The following NKAIN3 variants were observed in gnomAD, a reference collection of about 807,000 sequenced individuals.
The protein encoded by NKAIN3 is sodium/potassium transporting ATPase interacting 3.
A neutral mutation model predicts 30.2 loss-of-function variants in NKAIN3; 25 were observed. The observed-to-expected ratio is 0.83, with a 90% CI of 0.60 to 1.16. The LOEUF (loss-of-function observed/expected upper bound fraction) is 1.16, where lower values mean the gene tolerates loss of function less well. Ranked by LOEUF, NKAIN3 falls within the 50% of genes most tolerant of loss-of-function variation. NKAIN3 has a pLI of 0.00. For missense variants in NKAIN3, 225 were observed against 254.1 expected, an observed-to-expected ratio of 0.89 and a Z score of 0.78; for synonymous variants, 91 against 89.6, an observed-to-expected ratio of 1.02 and a Z score of -0.09.
intron 2 of NKAIN3, among the ~76,000 whole-genome samples, chr8:62,587,635 C>T (rs1011062654): frequency 9.2e-5 from 14 of 151,922 alleles, no homozygotes; most frequent in Non-Finnish European, 1.5e-5. Flanking sequence ...GTGTCAAATC[C>T]TAACTCTGAC....
intron 4 of NKAIN3, chr8:62,855,724 C>T (rs746600202): frequency 2.7e-5 from 41 of 1,536,388 alleles, no homozygotes; most frequent in Non-Finnish European, 3.6e-5. Context: ...GAACGATAGC[C>T]TTCATCTTGT....
At chr8:62,496,616 A>G (rs535876751) in intron 1 of NKAIN3, among the ~76,000 whole-genome samples, 2 of 152,200 alleles carry the variant, frequency 1.3e-5, no homozygotes, top group East Asian at 3.9e-4. Context: ...CCATTTATTT[A>G]TTTATTCATG....
chr8:62,962,284 T>C (rs1367329188), intron 6 of NKAIN3, among the ~76,000 whole-genome samples: 1 of 152,208 alleles, frequency 6.6e-6, no homozygotes, highest in Non-Finnish European at 1.5e-5. Context: ...ATCAGTTTTA[T>C]ATTTACCTTG....
intron 1 of NKAIN3, among the ~76,000 whole-genome samples, chr8:62,413,557 A>C (rs1804332182): frequency 6.6e-6 from 1 of 152,210 alleles, no homozygotes; most frequent in African/African-American, 2.4e-5. Context: ...TTGGTTTCCC[A>C]ATTCCATTTT....
chr8:62,689,820 A>G (rs535111235), intron 3 of NKAIN3, among the ~76,000 whole-genome samples: 1 of 152,164 alleles, frequency 6.6e-6, no homozygotes, highest in East Asian at 1.9e-4. Context: ...GAGTTTCCCA[A>G]TAAAGAAATT....
intron 3 of NKAIN3, among the ~76,000 whole-genome samples, chr8:62,649,529 C>T (rs531572958): frequency 1.1e-4 from 17 of 152,044 alleles, no homozygotes; most frequent in Admixed American, 6.6e-4. Flanking sequence ...CATTTGTACC[C>T]GAAAGATGCC....
At chr8:62,279,030 C>G (rs1282084860) in intron 1 of NKAIN3, among the ~76,000 whole-genome samples, 1 of 152,160 alleles carries the variant, frequency 6.6e-6, no homozygotes, top group African/African-American at 2.4e-5. Flanking sequence ...CACATCCTCC[C>G]CATCACCTGT....
In NKAIN3 at chr8:62,584,758, C is replaced by T. The variant is rs375510171; in HGVS notation, c.193-4956C>T. Among the ~76,000 whole-genome samples, 28 of 152,282 alleles carry T rather than the reference C, an allele frequency of 1.8e-4. 1 individual carries two copies. The East Asian group carries it at 5.2e-3, about 28-fold the overall frequency. On this transcript the variant is annotated intron_variant, in intron 2 of 6. Coordinates refer to ENST00000623646, the MANE Select transcript of NKAIN3 (RefSeq NM_001304533.3). ...GTCACCTTTTACAGGCCTTGCCTGA[C>T]CACTGAATGCAAGGGAAAGTATCTC...
At chr8:62,812,580 T>C (rs1276024145) in intron 4 of NKAIN3, among the ~76,000 whole-genome samples, 1 of 151,884 alleles carries the variant, frequency 6.6e-6, no homozygotes, top group Non-Finnish European at 1.5e-5. Context: ...GTAACCTTGC[T>C]TCACTCACTT....
intron 1 of NKAIN3, among the ~76,000 whole-genome samples, chr8:62,350,344 A>G (rs1469272621): frequency 7.9e-5 from 12 of 152,234 alleles, no homozygotes; most frequent in Non-Finnish European, 1.8e-4. Flanking sequence ...AAAACATTAT[A>G]CTAAATGAAA....
chr8:62,946,065 C>T (rs528613007), intron 5 of NKAIN3, among the ~76,000 whole-genome samples: 4 of 152,288 alleles, frequency 2.6e-5, no homozygotes, highest in African/African-American at 7.2e-5. Context: ...TTTCATTGGT[C>T]CCATGTGCTT....
chr8:62,506,476 C>CTT lies in NKAIN3; in HGVS notation c.55-73048_55-73047dup, dbSNP rs71255341. Among the ~76,000 whole-genome samples the CTT allele has an allele frequency of 6.1e-5, 6 of 98,434 alleles. 1 individual carries two copies. Among genetic ancestry groups the CTT allele is most frequent in the African/African-American group, 8.3e-5 (2 of 24,224 alleles). The allele number at this position is 98,434 out of a possible 152,430, so 64.6% of individuals were successfully genotyped here. The stretch of plus-strand genomic sequence containing the variant: ...TCTGCTTTTTCTTTTTTCTTTCTTT[C>CTT]TTTTTTTTTTTTTTTTGAGACAGAG... On this transcript the variant is annotated intron_variant, in intron 1 of 6. Transcript: ENST00000623646.
At chr8:62,457,614 T>C (rs1410088868) in intron 1 of NKAIN3, among the ~76,000 whole-genome samples, 1 of 152,252 alleles carries the variant, frequency 6.6e-6, no homozygotes, top group Admixed American at 6.5e-5. Flanking sequence ...TGAAAATCCA[T>C]TTCCTTATTG....
chr8:62,510,235 G>C (rs1253158305), intron 1 of NKAIN3, among the ~76,000 whole-genome samples: 4 of 152,110 alleles, frequency 2.6e-5, no homozygotes, highest in Non-Finnish European at 5.9e-5. Flanking sequence ...AATGCTTGCA[G>C]GTGAAAGGAA....
intron 4 of NKAIN3, among the ~76,000 whole-genome samples, chr8:62,839,498 T>C (rs1586254569): frequency 1.3e-5 from 2 of 152,282 alleles, no homozygotes; most frequent in East Asian, 3.9e-4. Flanking sequence ...AAATCTGTTG[T>C]AGAGACCTCA....
intron 1 of NKAIN3, among the ~76,000 whole-genome samples, chr8:62,410,931 G>C (rs145641678): frequency 1.3e-5 from 2 of 152,256 alleles, no homozygotes; most frequent in East Asian, 3.9e-4. Context: ...CAGTGGACGA[G>C]ATTAATTCAC....
chr8:62,319,077 A>G (rs367981429), intron 1 of NKAIN3, among the ~76,000 whole-genome samples: 1 of 152,108 alleles, frequency 6.6e-6, no homozygotes, highest in Non-Finnish European at 1.5e-5. Context: ...TGTATGTGTC[A>G]AGGAATTTAT....
chr8:62,958,910 A>T (rs1174008395), intron 6 of NKAIN3, among the ~76,000 whole-genome samples: 4 of 152,228 alleles, frequency 2.6e-5, no homozygotes, highest in African/African-American at 7.2e-5. Context: ...GCTAGATCTG[A>T]TTATGTTAGA....
At chr8:62,862,364 A>G (rs1024052326) in intron 4 of NKAIN3, among the ~76,000 whole-genome samples, 8 of 152,178 alleles carry the variant, frequency 5.3e-5, no homozygotes, top group Admixed American at 4.6e-4. Flanking sequence ...TATCACATAG[A>G]AAATCATGAT....
Sources: allele counts gnomAD v4.1 joint callset (sites outside exome capture counted in the v4.1 genomes callset), GRCh38; gene constraint gnomAD v4.1.1; transcripts MANE v1.5; gene names NCBI Gene and HGNC (gene_info 2026-07-23, HGNC 2026-07-21).